The following TAF8 variants were observed in gnomAD, a reference collection of about 807,000 sequenced individuals.
The protein encoded by TAF8 is transcription initiation factor TFIID subunit 8.
TAF8 carries 47 observed loss-of-function variants against 36.5 expected under a neutral mutation model. The observed-to-expected ratio is 1.29, with a 90% CI of 1.02 to 1.64. The LOEUF is 1.64. Among genes scored for constraint, TAF8 ranks in the 40% most tolerant of loss-of-function variants. TAF8 has a pLI of 0.00. For missense variants in TAF8, 420 were observed against 407.6 expected (o/e 1.03, Z -0.26); for synonymous variants, 175 against 159.5 (o/e 1.10, Z -0.73).
At position 42,078,144 on chromosome 6, in the gene TAF8, C is replaced by A; in HGVS notation, c.*599C>A. 1.1e-6 allele frequency: 1 copy of A among 934,292 alleles called. No homozygotes were observed. Among genetic ancestry groups the A allele is most frequent in the Non-Finnish European group, 1.3e-6 (1 of 782,976 alleles). 57.9% of individuals were successfully genotyped at this position (934,292 alleles called of 1,614,324 possible). A position where few individuals can be genotyped will look rare whatever the true frequency, so the allele number is the denominator to read the frequency against. The stretch of plus-strand genomic sequence containing the variant: ...GACCTCAAGTGATAACCCGCCTCGG[C>A]CTCCCAAAGTGCTGAGATTACAGGC... On this transcript the variant is annotated 3_prime_UTR_variant, in exon 9 of 9. Coordinates refer to ENST00000372977, the MANE Select transcript of TAF8 (RefSeq NM_138572.3).
chr6:42,068,492 C>G lies in TAF8; in HGVS notation c.665C>G (p.Pro222Arg). ...PLIAARPFTIPYLTALLPSEL... is the reference protein window; with the variant it reads ...PLIAARPFTIRYLTALLPSEL... ...ATTGCTGCCAGACCTTTCACCATCCCCTACCTGACAGCTCTTCTTCCGTCT... is the reference window on the plus strand; with the variant it reads ...ATTGCTGCCAGACCTTTCACCATCCGCTACCTGACAGCTCTTCTTCCGTCT... Residue 222 changes from proline to arginine, a missense_variant, in exon 7 of 9, where the codon CCC (proline) becomes CGC (arginine). Coordinates refer to ENST00000372977, the MANE Select transcript of TAF8 (RefSeq NM_138572.3). 1 of 1,614,122 alleles carries G rather than the reference C, an allele frequency of 6.2e-7. No individual in the cohort carries two copies. The highest frequency in any genetic ancestry group is 1.3e-5 in the African/African-American group (1 of 75,030).
In TAF8 at chr6:42,079,648, C is replaced by G; in HGVS notation, c.*2103C>G. 1.2e-6 allele frequency: 1 copy of G among 849,494 alleles called. No individual in the cohort carries two copies. Among genetic ancestry groups the G allele is most frequent in the Non-Finnish European group, 1.4e-6 (1 of 706,206 alleles). The allele number at this position is 849,494 out of a possible 1,614,324, so 52.6% of individuals were successfully genotyped here. A position where few individuals can be genotyped will look rare whatever the true frequency, so the allele number is the denominator to read the frequency against. ...CACTACCTCGGCTCACTGCAACCTC[C>G]ACTCCCCGGGTTCAAGCAATTCTCA... On this transcript the variant is annotated 3_prime_UTR_variant, in exon 9 of 9. Transcript: ENST00000372977.
At chr6:42,067,987 G>A (rs1765424771) in intron 6 of TAF8, among the ~76,000 whole-genome samples, 1 of 152,210 alleles carries the variant, frequency 6.6e-6, no homozygotes, top group South Asian at 2.1e-4. Flanking sequence ...TATATGCAGA[G>A]TGCTCAAATC....
intron 5 of TAF8, among the ~76,000 whole-genome samples, chr6:42,065,804 G>T (rs1380803336): frequency 6.6e-6 from 1 of 152,176 alleles, no homozygotes; most frequent in Non-Finnish European, 1.5e-5. Flanking sequence ...AATTAGAAAT[G>T]AATATTAATG....
At position 42,079,128 on chromosome 6, in the gene TAF8, A is replaced by C; in HGVS notation, c.*1583A>C. 1.0e-6 allele frequency: 1 copy of C among 980,456 alleles called. No homozygotes were observed. Among genetic ancestry groups the C allele is most frequent in the Non-Finnish European group, 1.2e-6 (1 of 825,402 alleles). The allele number at this position is 980,456 out of a possible 1,614,324, so 60.7% of individuals were successfully genotyped here. A position where few individuals can be genotyped will look rare whatever the true frequency, so the allele number is the denominator to read the frequency against. The stretch of plus-strand genomic sequence containing the variant: ...CAGAGCGAGACTCCATTTCAAAAAA[A>C]TAAAAAAAGGATAAAGTAAACAATA... On this transcript the variant is annotated 3_prime_UTR_variant, in exon 9 of 9. Coordinates refer to ENST00000372977, the MANE Select transcript of TAF8 (RefSeq NM_138572.3).
intron 2 of TAF8, among the ~76,000 whole-genome samples, chr6:42,053,882 T>C (rs1320715918): frequency 6.6e-6 from 1 of 152,180 alleles, no homozygotes; most frequent in Non-Finnish European, 1.5e-5. Flanking sequence ...TCTTGGAATT[T>C]AGAGTTTAAA....
intron 2 of TAF8, 124 bp from the exon 3 acceptor site, chr6:42,055,407 G>A (rs915742139): frequency 1.5e-5 from 10 of 673,748 alleles, no homozygotes; most frequent in East Asian, 2.7e-5. Flanking sequence ...GTAGCTTTTC[G>A]AATCCCTGCT....
At chr6:42,066,786 A>G (rs1406311126) in intron 6 of TAF8, among the ~76,000 whole-genome samples, 1 of 152,144 alleles carries the variant, frequency 6.6e-6, no homozygotes, top group Non-Finnish European at 1.5e-5. Flanking sequence ...GCCCATCGTG[A>G]TGTTCCCTCG....
intron 7 of TAF8, among the ~76,000 whole-genome samples, chr6:42,075,379 C>A (rs977284167): frequency 6.6e-6 from 1 of 152,152 alleles, no homozygotes; most frequent in African/African-American, 2.4e-5. Context: ...AACACACAGG[C>A]CCTGATACTG....
In TAF8 at chr6:42,057,701, C is replaced by G. The variant is rs562055186; in HGVS notation, c.489+188C>G. The G allele has an allele frequency of 1.8e-4, 129 of 710,202 alleles. 2 individuals carry two copies. In the African/African-American group the frequency reaches 1.9e-3, roughly 10 times the overall value. The allele number at this position is 710,202 out of a possible 1,614,324, so 44.0% of individuals were successfully genotyped here. On this transcript the variant is annotated intron_variant, in intron 5 of 8. Transcript: ENST00000372977. ...TTAGGAGGCCGAGGCAGGAGGATCA[C>G]TTGAGCCTGGGAGTTCAAGACCAGC...
chr6:42,074,515 C>A (rs1765683077), intron 7 of TAF8, among the ~76,000 whole-genome samples: 1 of 152,076 alleles, frequency 6.6e-6, no homozygotes. Flanking sequence ...TTTTACAAAT[C>A]TCTGGGTCAG....
chr6:42,066,513 CT>C, intron 6 of TAF8, 54 bp downstream of exon 6: 1 of 1,588,764 alleles, frequency 6.3e-7, no homozygotes, highest in Non-Finnish European at 8.6e-7. Flanking sequence ...CTCACATTAT[CT>C]TTTCTTTCTC....
Position 42,079,121 on chromosome 6 carries a change from C to CA in TAF8, c.*1583dup. 1.0e-6 allele frequency: 1 copy of CA among 975,172 alleles called. No individual in the cohort carries two copies. The highest frequency in any genetic ancestry group is 4.7e-5 in the South Asian group (1 of 21,072). 60.4% of individuals were successfully genotyped at this position (975,172 alleles called of 1,614,324 possible). The stretch of plus-strand genomic sequence containing the variant: ...TGGGTGACAGAGCGAGACTCCATTT[C>CA]AAAAAAATAAAAAAAGGATAAAGTA... On this transcript the variant is annotated 3_prime_UTR_variant, in exon 9 of 9. Transcript: ENST00000372977.
chr6:42,082,187 C>A lies in TAF8; in HGVS notation c.*4642C>A, dbSNP rs1582255834. 1 of 152,274 alleles carries A rather than the reference C, an allele frequency of 6.6e-6. No homozygotes were observed. Among genetic ancestry groups the A allele is most frequent in the Non-Finnish European group, 1.5e-5 (1 of 68,054 alleles). The allele number at this position is 152,274 out of a possible 1,614,324, so 9.4% of individuals were successfully genotyped here. A position where few individuals can be genotyped will look rare whatever the true frequency, so the allele number is the denominator to read the frequency against. ...GCACACAAATGGTGAAGACACAGAA[C>A]CATTGCATCAGTACAGTTCTCCCTC... On this transcript the variant is annotated 3_prime_UTR_variant, in exon 9 of 9. Transcript: ENST00000372977.
At chr6:42,074,233 C>A (rs1582243660) in intron 7 of TAF8, among the ~76,000 whole-genome samples, 2 of 152,184 alleles carry the variant, frequency 1.3e-5, no homozygotes, top group Admixed American at 6.5e-5. Context: ...GCGCCGTTTA[C>A]ACCACAGGGG....
intron 7 of TAF8, among the ~76,000 whole-genome samples, chr6:42,070,203 T>A (rs1343546809): frequency 6.6e-6 from 1 of 151,954 alleles, no homozygotes; most frequent in Non-Finnish European, 1.5e-5. Flanking sequence ...GAAATAAAAC[T>A]AAAGGCCGGG....
chr6:42,080,325 T>C lies in TAF8; in HGVS notation c.*2780T>C. ...GAGGTGGGATTTGGAAAAGGGCTGC[T>C]ATTTCTGCTGTTGAGATTTCAGAGG... On this transcript the variant is annotated 3_prime_UTR_variant, in exon 9 of 9. Coordinates refer to ENST00000372977, the MANE Select transcript of TAF8 (RefSeq NM_138572.3). 1 of 988,932 alleles carries C rather than the reference T, an allele frequency of 1.0e-6. No individual in the cohort carries two copies. The highest frequency in any genetic ancestry group is 1.2e-6 in the Non-Finnish European group (1 of 832,204). The allele number at this position is 988,932 out of a possible 1,614,324, so 61.3% of individuals were successfully genotyped here.
chr6:42,066,485 C>G (rs551172155), intron 6 of TAF8, 26 bp downstream of exon 6: 2 of 1,612,504 alleles, frequency 1.2e-6, no homozygotes, highest in African/African-American at 1.3e-5. Context: ...CTGTGTGGAC[C>G]CTGTCTTATT....
chr6:42,069,160 C>T (rs1057152388), intron 7 of TAF8, among the ~76,000 whole-genome samples: 9 of 151,990 alleles, frequency 5.9e-5, no homozygotes, highest in African/African-American at 2.2e-4. Context: ...GGATGAGGTC[C>T]GAGAGGGCCC....
Sources: allele counts gnomAD v4.1 joint callset (sites outside exome capture counted in the v4.1 genomes callset), GRCh38; gene constraint gnomAD v4.1.1; transcripts MANE v1.5; gene names NCBI Gene and HGNC (gene_info 2026-07-23, HGNC 2026-07-21).